Variants in KCNQ5 observed in about 807,000 individuals in gnomAD.
KCNQ5 encodes the protein potassium voltage-gated channel subfamily Q member 5.
KCNQ5 carries 30 observed loss-of-function variants against 98.2 expected under a neutral mutation model. That is an observed-to-expected ratio of 0.31 (90% CI 0.23 to 0.41). KCNQ5 has a LOEUF of 0.41. KCNQ5 is among the 10% of genes least tolerant of loss of function. The pLI, the probability that KCNQ5 is intolerant of heterozygous loss-of-function variation, is 1.00. For synonymous variants in KCNQ5, 458 were observed against 449.4 expected (o/e 1.02, Z -0.24); for missense variants, 835 against 1,182.5 (o/e 0.71, Z 4.31).
chr6:73,015,563 C>G (rs1423948306), intron 2 of KCNQ5, among the ~76,000 whole-genome samples: 2 of 152,056 alleles, frequency 1.3e-5, no homozygotes, highest in Non-Finnish European at 2.9e-5. Context: ...CCAAGTGGTC[C>G]AGGCTATGCT....
chr6:72,801,331 T>C (rs1202199058), intron 1 of KCNQ5, among the ~76,000 whole-genome samples: 1 of 142,868 alleles, frequency 7.0e-6, no homozygotes, highest in Non-Finnish European at 1.5e-5. Flanking sequence ...GCATATATAT[T>C]TAGGATAGTT....
At chr6:72,739,881 T>C (rs16882786) in intron 1 of KCNQ5, among the ~76,000 whole-genome samples, 3,751 of 152,316 alleles carry the variant, frequency 0.025, 148 homozygotes, top group African/African-American at 0.078. Flanking sequence ...ACTGTAAGTT[T>C]AGGCTATTAT....
chr6:72,923,756 C>G (rs1780507428), intron 1 of KCNQ5, among the ~76,000 whole-genome samples: 1 of 152,164 alleles, frequency 6.6e-6, no homozygotes, highest in Non-Finnish European at 1.5e-5. Flanking sequence ...TTCATGTGTG[C>G]TCAGTGTTTA....
At chr6:72,718,590 A>G (rs1173583278) in intron 1 of KCNQ5, among the ~76,000 whole-genome samples, 1 of 151,296 alleles carries the variant, frequency 6.6e-6, no homozygotes, top group African/African-American at 2.4e-5. Flanking sequence ...AGCTGGGACT[A>G]CAGGTACGTG....
chr6:72,751,638 A>AT (rs1463746595), intron 1 of KCNQ5, among the ~76,000 whole-genome samples: 36 of 152,178 alleles, frequency 2.4e-4, no homozygotes, highest in African/African-American at 8.4e-4. Flanking sequence ...AGAAATGTGC[A>AT]TTTTACCATT....
At chr6:72,843,289 T>C (rs753149460) in intron 1 of KCNQ5, among the ~76,000 whole-genome samples, 46 of 152,186 alleles carry the variant, frequency 3.0e-4, no homozygotes, top group Admixed American at 7.2e-4. Flanking sequence ...GATCAGATGA[T>C]TGTAGATGTG....
At chr6:73,096,508 G>A (rs913768058) in intron 5 of KCNQ5, among the ~76,000 whole-genome samples, 6 of 152,080 alleles carry the variant, frequency 3.9e-5, no homozygotes, top group Non-Finnish European at 7.4e-5. Context: ...AGAGATGTGG[G>A]GAACGCCTGG....
chr6:72,748,264 A>G (rs1771502979), intron 1 of KCNQ5, among the ~76,000 whole-genome samples: 1 of 152,088 alleles, frequency 6.6e-6, no homozygotes. Flanking sequence ...GAATCAAGCT[A>G]AGGTTAAACT....
chr6:72,864,469 G>A (rs531449871), intron 1 of KCNQ5, among the ~76,000 whole-genome samples: 1 of 152,236 alleles, frequency 6.6e-6, no homozygotes, highest in Non-Finnish European at 1.5e-5. Context: ...CATGGCCTTA[G>A]TTAAGCCACT....
chr6:72,858,332 G>A (rs1435425556), intron 1 of KCNQ5, among the ~76,000 whole-genome samples: 1 of 151,886 alleles, frequency 6.6e-6, no homozygotes, highest in Admixed American at 6.6e-5. Flanking sequence ...TCAAAAGTTC[G>A]TTTGCATTTG....
intron 1 of KCNQ5, among the ~76,000 whole-genome samples, chr6:72,756,457 A>C (rs1023900244): frequency 1.4e-4 from 21 of 152,202 alleles, no homozygotes; most frequent in Non-Finnish European, 2.9e-5. Context: ...TTTTAAAATG[A>C]AGCTTCTATA....
intron 1 of KCNQ5, among the ~76,000 whole-genome samples, chr6:72,858,561 A>G (rs1253955385): frequency 6.6e-6 from 1 of 151,680 alleles, no homozygotes; most frequent in Admixed American, 6.6e-5. Flanking sequence ...TTTTTTTAAC[A>G]TTGTTGCTCT....
rs377419431 is a variant in KCNQ5 at position 73,133,565 on chromosome 6, C to T, written c.1392C>T (p.Ser464=). The part of the protein sequence containing the change: ...AEGSPTKVQK[S]WSFNDRTRFR... The stretch of plus-strand genomic sequence containing the variant: ...GCAGTCCCACCAAAGTGCAGAAGAG[C>T]TGGAGCTTCAACGACCGAACCCGCT... Residue 464 remains serine, a synonymous_variant, in exon 10 of 14, where the codon AGC becomes AGT. Transcript: ENST00000370398. 4.2e-5 allele frequency: 68 copies of T among 1,614,120 alleles called. No homozygotes were observed. Among genetic ancestry groups the T allele is most frequent in the Non-Finnish European group, 5.5e-5 (65 of 1,180,044 alleles).
chr6:72,758,075 C>T (rs1016194786), intron 1 of KCNQ5, among the ~76,000 whole-genome samples: 1 of 151,786 alleles, frequency 6.6e-6, no homozygotes, highest in African/African-American at 2.4e-5. Context: ...TTCAGAATGC[C>T]CAGAGGTCCC....
intron 1 of KCNQ5, among the ~76,000 whole-genome samples, chr6:72,774,635 C>T (rs1773073592): frequency 6.6e-6 from 1 of 151,464 alleles, no homozygotes. Flanking sequence ...ACACACCCTA[C>T]AGATTAATAA....
chr6:72,840,140 T>G (rs1776728019), intron 1 of KCNQ5, among the ~76,000 whole-genome samples: 2 of 152,176 alleles, frequency 1.3e-5, no homozygotes, highest in African/African-American at 4.8e-5. Flanking sequence ...ATACCACATT[T>G]TCTTTATCCA....
Position 73,192,582 on chromosome 6 carries a change from GA to G in KCNQ5, c.1731del (p.Gln579LysfsTer12). 1 of 1,608,114 alleles carries G rather than the reference GA, an allele frequency of 6.2e-7. No homozygotes were observed. The highest frequency in any genetic ancestry group is 8.5e-7 in the Non-Finnish European group (1 of 1,177,188). ...TCTGATAGTGTTGATCAAATTCTTGGAAAAGGGCAAATCACATCAGATAAGA... is the reference window on the plus strand; with the variant it reads ...TCTGATAGTGTTGATCAAATTCTTGGAAAGGGCAAATCACATCAGATAAGA... ...SLQTRVDQIL[G>X]KGQITSDKKS... On this transcript the variant is annotated frameshift_variant, in exon 13 of 14. Coordinates refer to ENST00000370398, the MANE Select transcript of KCNQ5 (RefSeq NM_019842.4). LOFTEE classifies it high-confidence loss of function.
chr6:72,738,977 T>C (rs1770992086), intron 1 of KCNQ5, among the ~76,000 whole-genome samples: 1 of 152,176 alleles, frequency 6.6e-6, no homozygotes, highest in African/African-American at 2.4e-5. Flanking sequence ...ATTATGTGAA[T>C]ATGTTATACA....
intron 1 of KCNQ5, among the ~76,000 whole-genome samples, chr6:72,972,131 C>T (rs1478111983): frequency 6.6e-6 from 1 of 152,098 alleles, no homozygotes; most frequent in Non-Finnish European, 1.5e-5. Flanking sequence ...AATTCTCTAA[C>T]CCTAACCAAC....
Sources: gnomAD v4.1 joint callset for allele counts (sites outside exome capture counted in the v4.1 genomes callset) on GRCh38, gnomAD v4.1.1 for gene constraint, MANE v1.5 for transcripts, NCBI Gene and HGNC (gene_info 2026-07-23, HGNC 2026-07-21) for gene names.